The following FAS variants were observed in gnomAD, a reference collection of about 807,000 sequenced individuals.
The protein encoded by FAS is Fas cell surface death receptor, also known as tumor necrosis factor receptor superfamily member 6.
Under a neutral mutation model 33.2 loss-of-function variants are expected in FAS, and 5 were observed. The observed-to-expected ratio is 0.15, with a 90% confidence interval of 0.08 to 0.32. The LOEUF is 0.32. Among genes scored for constraint, FAS ranks in the 10% least tolerant of loss-of-function variants. FAS has a pLI of 1.00. For missense variants in FAS, 339 were observed against 386.0 expected (o/e 0.88, Z 1.02); for synonymous variants, 131 against 130.7 (o/e 1.00, Z -0.01).
At position 88,980,090 on chromosome 10, in the gene FAS, A is replaced by G. The variant is rs894439785; in HGVS notation, n.260+6743A>G. ...ACTTGAAATTTTATTTCATTTATTAATTTTTAAGTTTTGTTCACCACTTCT... is the reference window on the plus strand; with the variant it reads ...ACTTGAAATTTTATTTCATTTATTAGTTTTTAAGTTTTGTTCACCACTTCT... On this transcript the variant is annotated intron_variant and non_coding_transcript_variant, in intron 2 of 3. Coordinates refer to the FAS transcript ENST00000688239. 2.2e-4 allele frequency among the ~76,000 whole-genome samples: 34 copies of G among 152,208 alleles called. 1 individual carries two copies. The highest frequency in any genetic ancestry group is 6.0e-4 in the African/African-American group (25 of 41,460).
chr10:88,972,941 T>TTGTGTA (rs1254686418), intron 1 of FAS, among the ~76,000 whole-genome samples: 2 of 152,176 alleles, frequency 1.3e-5, no homozygotes, highest in Non-Finnish European at 2.9e-5. Flanking sequence ...AAGATTGTGT[T>TTGTGTA]TGTGTATGTG....
upstream of FAS, among the ~76,000 whole-genome samples, chr10:88,982,343 C>A (rs1846730582): frequency 6.6e-6 from 1 of 152,028 alleles, no homozygotes; most frequent in African/African-American, 2.4e-5. Context: ...TTAAAAGTTG[C>A]ATGTGTATGA....
intron 2 of FAS, chr10:88,975,037 T>C (rs1378973637): frequency 6.6e-6 from 1 of 152,240 alleles, no homozygotes; most frequent in Non-Finnish European, 1.5e-5. Flanking sequence ...AATTGTTTAC[T>C]GTAATTTCTA....
intron 1 of FAS, among the ~76,000 whole-genome samples, chr10:88,996,406 T>C (rs9658691): frequency 0.087 from 13,280 of 151,808 alleles, 762 homozygotes; most frequent in Non-Finnish European, 0.12. Context: ...TCCATAAAAG[T>C]AGAGAGTAGA....
In FAS at chr10:89,014,306, A is replaced by G. The variant is rs1234972151; in HGVS notation, c.864A>G (p.Lys288=). 6 of 1,614,006 alleles carry G rather than the reference A, an allele frequency of 3.7e-6. No homozygotes were observed. The highest frequency in any genetic ancestry group is 5.1e-6 in the Non-Finnish European group (6 of 1,179,942). The change falls in exon 9 of 9, where the codon AAA becomes AAG. Residue 288 remains lysine (K), a synonymous_variant. Coordinates refer to ENST00000652046, the MANE Select transcript of FAS (RefSeq NM_000043.6). ...LRNWHQLHGK[K]EAYDTLIKDL... The stretch of plus-strand genomic sequence containing the variant: ...ATTGGCATCAACTTCATGGAAAGAA[A>G]GAAGCGTATGACACATTGATTAAAG...
At chr10:88,983,177 T>G (rs1182298021), upstream of FAS, among the ~76,000 whole-genome samples, 1 of 152,190 alleles carries the variant, frequency 6.6e-6, no homozygotes, top group Non-Finnish European at 1.5e-5. Flanking sequence ...TCAATCCAAT[T>G]TGCATGGCTA....
intron 1 of FAS, 172 bp downstream of exon 1, chr10:88,991,078 G>A: frequency 1.3e-6 from 1 of 793,288 alleles, no homozygotes; most frequent in Non-Finnish European, 2.1e-6. Flanking sequence ...GGGGCTGTTA[G>A]GACCTTCCCT....
chr10:89,001,513 T>C (rs1338164721), intron 1 of FAS, among the ~76,000 whole-genome samples: 1 of 151,658 alleles, frequency 6.6e-6, no homozygotes, highest in Non-Finnish European at 1.5e-5. Context: ...GTTGCTCTAT[T>C]TGTAACCGTC....
At chr10:88,980,737 G>C (rs1194154299) in intron 2 of FAS, among the ~76,000 whole-genome samples, 1 of 152,232 alleles carries the variant, frequency 6.6e-6, no homozygotes, top group Admixed American at 6.5e-5. Context: ...GATTAGGAAT[G>C]AGACTCGAGC....
At chr10:89,008,335 G>A (rs1252034655) in intron 3 of FAS, among the ~76,000 whole-genome samples, 1 of 152,136 alleles carries the variant, frequency 6.6e-6, no homozygotes, top group Non-Finnish European at 1.5e-5. Flanking sequence ...TATAACAGAA[G>A]TGTTTCTAGT....
Position 89,014,038 on chromosome 10 carries a change from A to C in FAS, c.677-81A>C. On this transcript the variant is annotated intron_variant, in intron 8 of 8. Transcript: ENST00000652046. The stretch of plus-strand genomic sequence containing the variant: ...ACTTAGCTATATTCTGAAGTACTAT[A>C]AAAAGAGAAATAAACATGGTTTTCA... 2.1e-6 allele frequency: 3 copies of C among 1,421,492 alleles called. No homozygotes were observed. In the South Asian group the frequency reaches 3.6e-5, roughly 17 times the overall value. The allele number at this position is 1,421,492 out of a possible 1,614,324, so 88.1% of individuals were successfully genotyped here. A position where few individuals can be genotyped will look rare whatever the true frequency, so the allele number is the denominator to read the frequency against.
At chr10:89,013,986 C>T (rs1848658912) in intron 8 of FAS, 133 bp from the exon 9 acceptor site, 1 of 872,942 alleles carries the variant, frequency 1.1e-6, no homozygotes, top group Non-Finnish European at 1.8e-6. Flanking sequence ...CTGTATTCCC[C>T]TAGTCAGCTC....
chr10:88,980,299 C>T (rs988371332), intron 2 of FAS, among the ~76,000 whole-genome samples: 4 of 148,980 alleles, frequency 2.7e-5, no homozygotes, highest in African/African-American at 1.0e-4. Flanking sequence ...ATGGTTGACA[C>T]TTCAGGCCTT....
chr10:88,992,654 G>C (rs922542189), intron 1 of FAS: 1 of 152,002 alleles, frequency 6.6e-6, no homozygotes, highest in African/African-American at 2.4e-5. Flanking sequence ...GGAAATTAAG[G>C]CTTATTAAAT....
chr10:88,988,552 A>G (rs1212451601), upstream of FAS, among the ~76,000 whole-genome samples: 1 of 151,628 alleles, frequency 6.6e-6, no homozygotes, highest in Non-Finnish European at 1.5e-5. Context: ...CTTATATGGT[A>G]TGGTTTGAAT....
chr10:88,977,241 G>T (rs539819184), intron 2 of FAS, among the ~76,000 whole-genome samples: 2 of 151,684 alleles, frequency 1.3e-5, no homozygotes, highest in East Asian at 3.9e-4. Flanking sequence ...CCTTGCCCAT[G>T]CCTATGTCCT....
chr10:88,980,510 T>C (rs1846684657), intron 2 of FAS, among the ~76,000 whole-genome samples: 2 of 152,078 alleles, frequency 1.3e-5, no homozygotes, highest in South Asian at 4.1e-4. Flanking sequence ...TACTCTAATT[T>C]GTCATCCCCA....
rs3218621 is a variant in FAS, at chr10:89,003,139, G to A, written c.141G>A (p.Gln47=). The A allele has an allele frequency of 3.7e-3, 6,050 of 1,614,160 alleles. 190 individuals are homozygous for A. The African/African-American group carries it at 0.069, about 19-fold the overall frequency. Residue 47 remains glutamine, a synonymous_variant, in exon 2 of 9, where the codon CAG becomes CAA. Transcript: ENST00000652046. ...LRKTVTTVET[Q]NLEGLHHDGQ... ...AGACTGTTACTACAGTTGAGACTCA[G>A]AACTTGGAAGGCCTGCATCATGATG... is the stretch of plus-strand genomic sequence containing the variant.
At chr10:89,013,243 A>G in intron 7 of FAS, 100 bp from the exon 8 acceptor site, 1 of 1,142,022 alleles carries the variant, frequency 8.8e-7, no homozygotes, top group South Asian at 1.4e-5. Flanking sequence ...AACTGATTGT[A>G]CTTCTTTCTG....
Sources: gnomAD v4.1 joint callset for allele counts (sites outside exome capture counted in the v4.1 genomes callset) on GRCh38, gnomAD v4.1.1 for gene constraint, MANE v1.5 for transcripts, NCBI Gene and HGNC (gene_info 2026-07-23, HGNC 2026-07-21) for gene names.